KIAA0232: variants seen among roughly 807,000 people sequenced by gnomAD.
The protein encoded by KIAA0232 is KIAA0232, also known as uncharacterized protein KIAA0232.
A neutral mutation model predicts 122.0 loss-of-function variants in KIAA0232; 27 were observed. The ratio of observed to expected loss-of-function variants is 0.22; its 90% confidence interval spans 0.16 to 0.31. The LOEUF is 0.31. KIAA0232 is among the 10% of genes least tolerant of loss of function. The pLI, the probability that KIAA0232 is intolerant of heterozygous loss-of-function variation, is 1.00. For missense variants in KIAA0232, 1,551 were observed against 1,634.2 expected, an observed-to-expected ratio of 0.95 and a Z score of 0.88; for synonymous variants, 613 against 587.6, an observed-to-expected ratio of 1.04 and a Z score of -0.63.
chr4:6,826,996 C>T (rs1718720096), intron 3 of KIAA0232, among the ~76,000 whole-genome samples: 1 of 152,142 alleles, frequency 6.6e-6, no homozygotes, highest in African/African-American at 2.4e-5. Flanking sequence ...GATCCTCCCT[C>T]CAGAGTTCCG....
chr4:6,879,829 C>CT (rs1187867154), intron 9 of KIAA0232, among the ~76,000 whole-genome samples: 1 of 139,774 alleles, frequency 7.2e-6, no homozygotes, highest in African/African-American at 2.7e-5. Context: ...GCAGTGCCCC[C>CT]CCTCACCATC....
rs761548201 is a variant in KIAA0232, at chr4:6,862,413, T to A, written c.2031T>A (p.Ser677Arg). ...TGGGAAATGAAAATACAGATTCTAG[T>A]GCTAATATGCTTGGGAAAACACAGT... is the stretch of plus-strand genomic sequence containing the variant. ...LNLGNENTDS[S>R]ANMLGKTQSR... Residue 677 changes from serine to arginine, a missense_variant, in exon 7 of 10, where the codon AGT becomes AGA. Transcript: ENST00000307659. 1 of 1,614,170 alleles carries A rather than the reference T, an allele frequency of 6.2e-7. No homozygotes were observed. Among genetic ancestry groups the A allele is most frequent in the South Asian group, 1.1e-5 (1 of 91,082 alleles).
At position 6,863,627 on chromosome 4, in the gene KIAA0232, G is replaced by A. The variant is rs1404071785; in HGVS notation, c.3245G>A (p.Ser1082Asn). 4 of 1,614,198 alleles carry A rather than the reference G, an allele frequency of 2.5e-6. No homozygotes were observed. Among genetic ancestry groups the A allele is most frequent in the Non-Finnish European group, 8.5e-7 (1 of 1,180,040 alleles). Reference sequence around the variant, plus strand: ...TCAATCCTCTGTTCTGATTCAGACAGTGAAGTGTTTCACCCCAGGATATGT... The same window carrying A: ...TCAATCCTCTGTTCTGATTCAGACAATGAAGTGTTTCACCCCAGGATATGT... ...PKSILCSDSD[S>N]EVFHPRICGV... Residue 1082 changes from serine (S) to asparagine (N), a missense_variant, in exon 7 of 10, where the codon AGT (serine) becomes AAT (asparagine). This residue lies in a region of KIAA0232 where 1,108 missense variants were observed against 1,154.8 expected (regional missense o/e 0.96). Transcript: ENST00000307659.
intron 2 of KIAA0232, among the ~76,000 whole-genome samples, chr4:6,805,393 T>G (rs534337217): frequency 1.3e-5 from 2 of 152,326 alleles, no homozygotes; most frequent in East Asian, 3.9e-4. Flanking sequence ...CCATATAAAC[T>G]TTTCATATAG....
intron 7 of KIAA0232, among the ~76,000 whole-genome samples, chr4:6,868,191 T>C (rs967783221): frequency 3.9e-5 from 6 of 152,230 alleles, no homozygotes; most frequent in African/African-American, 1.4e-4. Flanking sequence ...TTCTAAAGAA[T>C]TTCTCAATTT....
intron 5 of KIAA0232, among the ~76,000 whole-genome samples, 158 bp downstream of exon 5, chr4:6,857,388 CTCTGTTAGTGGCT>C (rs1720621948): frequency 6.6e-6 from 1 of 152,234 alleles, no homozygotes; most frequent in African/African-American, 2.4e-5. Context: ...CCATCTGCAG[CTCTGTTAGTGGCT>C]TCTGTGTCAG....
intron 1 of KIAA0232, among the ~76,000 whole-genome samples, chr4:6,799,572 C>T (rs1717284134): frequency 6.6e-6 from 1 of 152,030 alleles, no homozygotes; most frequent in Non-Finnish European, 1.5e-5. Context: ...GGCCTCAAGT[C>T]AAAATCGTGG....
intron 8 of KIAA0232, 34 bp from the exon 9 acceptor site, chr4:6,876,626 C>T: frequency 7.4e-7 from 1 of 1,353,252 alleles, no homozygotes; most frequent in Non-Finnish European, 1.1e-6. Context: ...TTCCCCCTTT[C>T]CCTCTTTTCC....
At chr4:6,874,732 T>C (rs1721661652) in intron 8 of KIAA0232, among the ~76,000 whole-genome samples, 1 of 152,154 alleles carries the variant, frequency 6.6e-6, no homozygotes. Context: ...GTAGTCTGTA[T>C]GTATAAAAGG....
intron 6 of KIAA0232, among the ~76,000 whole-genome samples, chr4:6,859,555 T>C (rs1381516890): frequency 6.6e-6 from 1 of 152,244 alleles, no homozygotes; most frequent in Non-Finnish European, 1.5e-5. Context: ...AATGATAATA[T>C]CAGGAGTTTA....
Position 6,824,323 on chromosome 4 carries a change from C to T in KIAA0232, c.-131C>T, listed in dbSNP as rs1281190631. Reference sequence around the variant, plus strand: ...TCTGTTTTAGGTGGCTGACTACCAGCAAAAATAAATGCTTATCCTACATGT... The same window carrying T: ...TCTGTTTTAGGTGGCTGACTACCAGTAAAAATAAATGCTTATCCTACATGT... On this transcript the variant is annotated 5_prime_UTR_variant, in exon 3 of 10. Transcript: ENST00000307659. 2 of 780,882 alleles carry T rather than the reference C, an allele frequency of 2.6e-6. No homozygotes were observed. The highest frequency in any genetic ancestry group is 4.4e-6 in the Non-Finnish European group (2 of 456,394). 48.4% of individuals were successfully genotyped at this position (780,882 alleles called of 1,614,324 possible).
At position 6,830,511 on chromosome 4, in the gene KIAA0232, G is replaced by C. The variant is rs549594353; in HGVS notation, c.231+5827G>C. On this transcript the variant is annotated intron_variant, in intron 3 of 9. Coordinates refer to ENST00000307659, the MANE Select transcript of KIAA0232 (RefSeq NM_014743.3). ...CAGCCTCTGCCTCCTGGGTTCAAGT[G>C]ATTCTCCTGCCTTAGGCTCCTGAGT... Among the ~76,000 whole-genome samples, 62 of 148,842 alleles carry C rather than the reference G, an allele frequency of 4.2e-4. 1 individual carries two copies. The South Asian group carries it at 0.011, about 27-fold the overall frequency.
chr4:6,874,066 C>T (rs543954469), intron 8 of KIAA0232, among the ~76,000 whole-genome samples: 2 of 152,154 alleles, frequency 1.3e-5, no homozygotes, highest in Non-Finnish European at 2.9e-5. Flanking sequence ...TACAGTAAGG[C>T]GAGGAAACAG....
intron 4 of KIAA0232, among the ~76,000 whole-genome samples, chr4:6,853,970 G>A (rs989213713): frequency 2.2e-4 from 34 of 152,172 alleles, no homozygotes; most frequent in African/African-American, 8.0e-4. Flanking sequence ...AGAGAGTGTA[G>A]CAGTAGCAAG....
At chr4:6,788,967 CTT>C (rs71646657) in intron 1 of KIAA0232, among the ~76,000 whole-genome samples, 2 of 149,800 alleles carry the variant, frequency 1.3e-5, no homozygotes, top group African/African-American at 4.9e-5. Flanking sequence ...CATTTTCTTT[CTT>C]TTTTTTTTAT....
At position 6,861,133 on chromosome 4, in the gene KIAA0232, A is replaced by G; in HGVS notation, c.751A>G (p.Ser251Gly). The G allele has an allele frequency of 6.2e-7, 1 of 1,614,198 alleles. No homozygotes were observed. The highest frequency in any genetic ancestry group is 2.2e-5 in the East Asian group (1 of 44,888). ...TTVHEKTQSK[S>G]KNEKENKFSN... Reference sequence around the variant, plus strand: ...TGTGCATGAGAAAACCCAGAGCAAAAGCAAAAACGAGAAGGAAAACAAATT... The same window carrying G: ...TGTGCATGAGAAAACCCAGAGCAAAGGCAAAAACGAGAAGGAAAACAAATT... Residue 251 changes from serine to glycine, a missense_variant, in exon 7 of 10, where the codon AGC (serine) becomes GGC (glycine). Physicochemically the swap from Ser to Gly is moderately conservative, Grantham distance 56 (BLOSUM62 0). Coordinates refer to ENST00000307659, the MANE Select transcript of KIAA0232 (RefSeq NM_014743.3).
chr4:6,818,781 CA>C (rs1368741846), intron 2 of KIAA0232, among the ~76,000 whole-genome samples: 2 of 150,596 alleles, frequency 1.3e-5, no homozygotes, highest in African/African-American at 4.9e-5. Flanking sequence ...CAATCCAAAG[CA>C]AAAAGAACAA....
chr4:6,871,611 G>C lies in KIAA0232; in HGVS notation c.3839G>C (p.Arg1280Thr), dbSNP rs573758163. 1.4e-5 allele frequency: 23 copies of C among 1,611,614 alleles called. No homozygotes were observed. The African/African-American group carries it at 2.1e-4, about 15-fold the overall frequency. Reference protein sequence around the residue: ...VLNTDIQGMNRSQEKQTWWEK... With the variant: ...VLNTDIQGMNTSQEKQTWWEK... ...AACACTGATATACAAGGAATGAATA[G>C]AAGTCAAGAAAAACAGACCTGGTGG... is the stretch of plus-strand genomic sequence containing the variant. The change falls in exon 8 of 10, where the codon AGA (arginine) becomes ACA (threonine). Residue 1280 changes from arginine (R) to threonine (T), a missense_variant. By Grantham distance (71) the Arg-to-Thr change is moderately conservative. Coordinates refer to ENST00000307659, the MANE Select transcript of KIAA0232 (RefSeq NM_014743.3).
chr4:6,866,526 C>A (rs1721190806), intron 7 of KIAA0232, among the ~76,000 whole-genome samples: 1 of 152,164 alleles, frequency 6.6e-6, no homozygotes, highest in South Asian at 2.1e-4. Flanking sequence ...TCTGTTCTGT[C>A]ACATTGCTTG....
Sources: allele counts gnomAD v4.1 joint callset (sites outside exome capture counted in the v4.1 genomes callset), GRCh38; gene constraint gnomAD v4.1.1; regional missense constraint gnomAD v4.1.1; transcripts MANE v1.5; gene names NCBI Gene and HGNC (gene_info 2026-07-23, HGNC 2026-07-21).